The following GASK1A variants were observed in gnomAD, a reference collection of about 807,000 sequenced individuals.
GASK1A encodes the protein Golgi-associated kinase 1A.
In GASK1A, 40 loss-of-function variants were observed where a neutral mutation model predicts 41.2. That is an observed-to-expected ratio of 0.97 (90% confidence interval 0.75 to 1.27). GASK1A has a LOEUF of 1.27. Ranked by LOEUF, GASK1A falls within the 50% of genes most tolerant of loss-of-function variation. The pLI is 0.00. For missense variants in GASK1A, 678 were observed against 745.1 expected, an observed-to-expected ratio of 0.91 and a Z score of 1.05; for synonymous variants, 316 against 307.1, an observed-to-expected ratio of 1.03 and a Z score of -0.30.
chr3:43,021,962 ACC>A (rs1297462398), intron 1 of GASK1A, among the ~76,000 whole-genome samples: 1 of 152,114 alleles, frequency 6.6e-6, no homozygotes, highest in East Asian at 1.9e-4. Context: ...TAGCTGTAGA[ACC>A]ACACAGTGAA....
chr3:43,024,220 C>T (rs2089535309), intron 1 of GASK1A, among the ~76,000 whole-genome samples: 1 of 152,182 alleles, frequency 6.6e-6, no homozygotes, highest in African/African-American at 2.4e-5. Context: ...CACCCATCTT[C>T]TTTTATCAGC....
intron 1 of GASK1A, among the ~76,000 whole-genome samples, chr3:43,023,894 A>C (rs1227037212): frequency 2.6e-5 from 4 of 152,090 alleles, no homozygotes; most frequent in African/African-American, 9.7e-5. Flanking sequence ...CAGATGTGTT[A>C]ATTTCCCCTG....
intron 1 of GASK1A, among the ~76,000 whole-genome samples, chr3:43,013,615 G>C (rs1438219382): frequency 6.6e-6 from 1 of 151,518 alleles, no homozygotes; most frequent in Non-Finnish European, 1.5e-5. Context: ...GGAAGGGACA[G>C]TGGGAAGTCA....
At chr3:42,980,668 C>A (rs954563017) in intron 1 of GASK1A, among the ~76,000 whole-genome samples, 1 of 152,016 alleles carries the variant, frequency 6.6e-6, no homozygotes, top group African/African-American at 2.4e-5. Flanking sequence ...GTGGCTGGAA[C>A]AGAGGTGGAG....
At chr3:43,005,863 G>A (rs1295026429) in intron 1 of GASK1A, among the ~76,000 whole-genome samples, 1 of 152,172 alleles carries the variant, frequency 6.6e-6, no homozygotes, top group African/African-American at 2.4e-5. Flanking sequence ...GATGGAAAAG[G>A]CATTCAATTT....
At position 43,002,760 on chromosome 3, in the gene GASK1A, C is replaced by A. The variant is rs145040179; in HGVS notation, c.3+23115C>A. On this transcript the variant is annotated intron_variant, in intron 1 of 4. Coordinates refer to ENST00000430121, the MANE Select transcript of GASK1A (RefSeq NM_001129908.3). ...TTATTAAAATGAGTTTCAATTGTTT[C>A]TTTTTCTTTTTTTAAAAATGTGGCC... 5.9e-5 allele frequency among the ~76,000 whole-genome samples: 9 copies of A among 151,996 alleles called. No individual in the cohort carries two copies. The East Asian group carries it at 1.4e-3, about 23-fold the overall frequency.
intron 1 of GASK1A, among the ~76,000 whole-genome samples, chr3:43,019,280 C>G (rs1406288005): frequency 6.6e-6 from 1 of 152,198 alleles, no homozygotes. Flanking sequence ...GGGAGCCTGG[C>G]CTGGTGGTAG....
chr3:43,034,931 C>A (rs1290832508), intron 2 of GASK1A, among the ~76,000 whole-genome samples: 3 of 152,154 alleles, frequency 2.0e-5, no homozygotes, highest in Non-Finnish European at 4.4e-5. Flanking sequence ...TTGAATGTTA[C>A]CCCAGTCTGC....
At position 43,055,430 on chromosome 3, in the gene GASK1A, A is replaced by G; in HGVS notation, c.1414-2A>G. ...CTGTCTCTGTCCACCCTCTTCCCTGAGGTCCGGAGCAGCGATCCATCTCAC... is the reference window on the plus strand; with the variant it reads ...CTGTCTCTGTCCACCCTCTTCCCTGGGGTCCGGAGCAGCGATCCATCTCAC... On this transcript the variant is annotated splice_acceptor_variant, in intron 3 of 4. Coordinates refer to ENST00000430121, the MANE Select transcript of GASK1A (RefSeq NM_001129908.3). LOFTEE classifies it high-confidence loss of function. 2.6e-6 allele frequency: 4 copies of G among 1,550,426 alleles called. No individual in the cohort carries two copies. Among genetic ancestry groups the G allele is most frequent in the Non-Finnish European group, 3.5e-6 (4 of 1,145,888 alleles).
chr3:43,049,131 C>G (rs2125691717), intron 2 of GASK1A, among the ~76,000 whole-genome samples: 1 of 152,234 alleles, frequency 6.6e-6, no homozygotes, highest in East Asian at 1.9e-4. Flanking sequence ...TTGATGCCAC[C>G]AGACTGTATC....
In GASK1A at chr3:43,055,427, C is replaced by A; in HGVS notation, c.1414-5C>A. 1 of 1,550,130 alleles carries A rather than the reference C, an allele frequency of 6.5e-7. No individual in the cohort carries two copies. The highest frequency in any genetic ancestry group is 1.2e-5 in the South Asian group (1 of 84,008). On this transcript the variant is annotated splice_region_variant and splice_polypyrimidine_tract_variant and intron_variant, in intron 3 of 4. Coordinates refer to ENST00000430121, the MANE Select transcript of GASK1A (RefSeq NM_001129908.3). ...CCTCTGTCTCTGTCCACCCTCTTCC[C>A]TGAGGTCCGGAGCAGCGATCCATCT...
chr3:43,055,514 G>T lies in GASK1A; in HGVS notation c.1496G>T (p.Arg499Leu). The T allele has an allele frequency of 6.4e-7, 1 of 1,551,880 alleles. No homozygotes were observed. The highest frequency in any genetic ancestry group is 8.7e-7 in the Non-Finnish European group (1 of 1,146,970). Residue 499 changes from arginine (R) to leucine (L), a missense_variant, in exon 4 of 5, where the codon CGG becomes CTG. By Grantham distance (102) the Arg-to-Leu change is moderately radical (BLOSUM62 -2). Coordinates refer to ENST00000430121, the MANE Select transcript of GASK1A (RefSeq NM_001129908.3). Reference protein sequence around the residue: ...LQHPEDKLNFRLLEGIDGFPE... With the variant: ...LQHPEDKLNFLLLEGIDGFPE... ...CACCCTGAGGACAAGCTGAACTTTC[G>T]GCTGCTGGAGGGCATAGATGGGTGA...
chr3:42,995,320 G>A (rs540976176), intron 1 of GASK1A, among the ~76,000 whole-genome samples: 49 of 152,304 alleles, frequency 3.2e-4, no homozygotes, highest in African/African-American at 1.2e-3. Flanking sequence ...TGAGGCCTGT[G>A]GTGAACTTCA....
chr3:43,017,231 A>T (rs1254870820), intron 1 of GASK1A, among the ~76,000 whole-genome samples: 5 of 151,208 alleles, frequency 3.3e-5, no homozygotes, highest in African/African-American at 1.2e-4. Context: ...GATAGTGTGA[A>T]ATCACATGAA....
chr3:43,027,845 T>C (rs530045375), intron 1 of GASK1A, among the ~76,000 whole-genome samples: 5 of 152,344 alleles, frequency 3.3e-5, no homozygotes, highest in Admixed American at 3.3e-4. Context: ...GAGCCAAATA[T>C]GAGTGACCAA....
intron 2 of GASK1A, among the ~76,000 whole-genome samples, chr3:43,046,305 G>T (rs1227727243): frequency 6.6e-6 from 1 of 152,230 alleles, no homozygotes; most frequent in Non-Finnish European, 1.5e-5. Context: ...AACTTGTTGG[G>T]AACTGGAATA....
intron 2 of GASK1A, among the ~76,000 whole-genome samples, chr3:43,041,312 A>C (rs890247746): frequency 3.9e-5 from 6 of 152,066 alleles, no homozygotes; most frequent in Admixed American, 3.9e-4. Flanking sequence ...TGACTTCCAC[A>C]ATGGTTGAAC....
chr3:43,052,380 C>G (rs1291030311), intron 2 of GASK1A, among the ~76,000 whole-genome samples: 2 of 152,186 alleles, frequency 1.3e-5, no homozygotes, highest in Admixed American at 6.5e-5. Context: ...TTCTCTATTC[C>G]TCTGTCCTCC....
rs1249163052 is a variant in GASK1A at position 43,032,581 on chromosome 3, G to A, written c.318G>A (p.Glu106=). ...GHRARVDRSR[E]SPGGDLRHPG... ...GAGCAAGAGTGGACAGAAGCAGGGA[G>A]TCCCCAGGAGGGGACCTCAGGCATC... The change falls in exon 2 of 5, where the codon GAG becomes GAA. Residue 106 remains glutamate (E), a synonymous_variant. Transcript: ENST00000430121. The A allele has an allele frequency of 1.9e-6, 3 of 1,551,244 alleles. No individual in the cohort carries two copies. Among genetic ancestry groups the A allele is most frequent in the African/African-American group, 1.4e-5 (1 of 73,050 alleles).
Sources: gnomAD v4.1 joint callset for allele counts (sites outside exome capture counted in the v4.1 genomes callset) on GRCh38, gnomAD v4.1.1 for gene constraint, MANE v1.5 for transcripts, NCBI Gene and HGNC (gene_info 2026-07-23, HGNC 2026-07-21) for gene names.